The following RAP1GDS1 variants were observed in gnomAD, a reference collection of about 807,000 sequenced individuals.
RAP1GDS1 encodes the protein RAP1, GTP-GDP dissociation stimulator 1.
A neutral mutation model predicts 71.1 loss-of-function variants in RAP1GDS1; 35 were observed. The ratio of observed to expected loss-of-function variants is 0.49; its 90% CI spans 0.38 to 0.65. RAP1GDS1 has a LOEUF of 0.65. Among genes scored for constraint, RAP1GDS1 ranks in the 30% least tolerant of loss-of-function variants. The pLI is 0.00. For missense variants in RAP1GDS1, 663 were observed against 706.1 expected (o/e 0.94, Z 0.69); for synonymous variants, 229 against 243.1 (o/e 0.94, Z 0.54).
intron 2 of RAP1GDS1, among the ~76,000 whole-genome samples, chr4:98,294,991 C>G (rs1727524389): frequency 6.6e-6 from 1 of 151,862 alleles, no homozygotes; most frequent in Non-Finnish European, 1.5e-5. Context: ...AGACCATTTG[C>G]TTTAGATACT....
intron 12 of RAP1GDS1, among the ~76,000 whole-genome samples, chr4:98,429,711 G>A (rs1205096747): frequency 6.6e-6 from 1 of 152,130 alleles, no homozygotes; most frequent in Non-Finnish European, 1.5e-5. Flanking sequence ...TTTGTGTTGG[G>A]CCACGTTCAA....
intron 4 of RAP1GDS1, among the ~76,000 whole-genome samples, chr4:98,355,450 G>A (rs575379991): frequency 4.9e-4 from 75 of 152,176 alleles, no homozygotes; most frequent in Non-Finnish European, 8.2e-4. Flanking sequence ...ATGATAGTAG[G>A]CTTACAGTAG....
At chr4:98,345,502 C>G (rs1041913679) in intron 3 of RAP1GDS1, among the ~76,000 whole-genome samples, 1 of 151,986 alleles carries the variant, frequency 6.6e-6, no homozygotes, top group Non-Finnish European at 1.5e-5. Context: ...ATTTTTTAGA[C>G]CTTTTAAATG....
chr4:98,426,693 C>T (rs1749660765), intron 12 of RAP1GDS1, among the ~76,000 whole-genome samples: 2 of 151,948 alleles, frequency 1.3e-5, no homozygotes, highest in South Asian at 2.1e-4. Flanking sequence ...CCTGAACAGA[C>T]CAATAACAAG....
intron 12 of RAP1GDS1, among the ~76,000 whole-genome samples, chr4:98,431,150 C>T (rs1052095687): frequency 6.6e-6 from 1 of 152,196 alleles, no homozygotes; most frequent in African/African-American, 2.4e-5. Flanking sequence ...TTATCAGTTA[C>T]CAGGCTAAAA....
chr4:98,329,852 C>T (rs1008874466), intron 2 of RAP1GDS1, among the ~76,000 whole-genome samples: 4 of 143,760 alleles, frequency 2.8e-5, no homozygotes, highest in African/African-American at 1.0e-4. Context: ...ATTGTAAATA[C>T]TTGTTTTTTA....
chr4:98,419,522 A>G (rs1340229395), intron 10 of RAP1GDS1, among the ~76,000 whole-genome samples: 1 of 152,240 alleles, frequency 6.6e-6, no homozygotes, highest in African/African-American at 2.4e-5. Flanking sequence ...ACAACAAAAG[A>G]TAGTTAAAAC....
chr4:98,326,309 A>G (rs1043108448), intron 2 of RAP1GDS1, among the ~76,000 whole-genome samples: 2 of 152,160 alleles, frequency 1.3e-5, no homozygotes, highest in East Asian at 3.9e-4. Flanking sequence ...ATTCATTGTC[A>G]TTTCAGCATT....
At chr4:98,268,552 A>G (rs989089042) in intron 1 of RAP1GDS1, among the ~76,000 whole-genome samples, 5 of 152,114 alleles carry the variant, frequency 3.3e-5, no homozygotes, top group African/African-American at 1.2e-4. Flanking sequence ...TCTTATACAT[A>G]GAAAGCCTTA....
chr4:98,302,788 G>A (rs1225717524), intron 2 of RAP1GDS1, among the ~76,000 whole-genome samples: 1 of 152,218 alleles, frequency 6.6e-6, no homozygotes, highest in Non-Finnish European at 1.5e-5. Flanking sequence ...ACCCACACCT[G>A]TAATCCCAGC....
intron 6 of RAP1GDS1, among the ~76,000 whole-genome samples, chr4:98,399,456 A>G (rs1745040413): frequency 6.6e-6 from 1 of 151,880 alleles, no homozygotes; most frequent in African/African-American, 2.4e-5. Flanking sequence ...ATCATGCCCC[A>G]TTTGTTTTTG....
chr4:98,375,507 T>A (rs1254589374), intron 4 of RAP1GDS1, among the ~76,000 whole-genome samples: 2 of 152,178 alleles, frequency 1.3e-5, no homozygotes, highest in Non-Finnish European at 2.9e-5. Context: ...TCAGTAACAT[T>A]ATCTCCTATA....
rs1329515531 is a variant in RAP1GDS1 at position 98,441,369 on chromosome 4, G to A, written c.1697-621G>A. The stretch of plus-strand genomic sequence containing the variant: ...AAAGAAGAGGACAAAAAATCTAAAA[G>A]GGAGTCCAGTGTCACAGAAATTTGT... On this transcript the variant is annotated intron_variant, in intron 14 of 14. Transcript: ENST00000408927. 4 of 984,844 alleles carry A rather than the reference G, an allele frequency of 4.1e-6. No homozygotes were observed. In the South Asian group the frequency reaches 1.4e-4, roughly 35 times the overall value. The allele number at this position is 984,844 out of a possible 1,614,324, so 61.0% of individuals were successfully genotyped here. A position where few individuals can be genotyped will look rare whatever the true frequency, so the allele number is the denominator to read the frequency against.
rs149714449 is a variant in RAP1GDS1, at chr4:98,370,437, T to C, written c.362-8580T>C. Among the ~76,000 whole-genome samples, 37 of 152,254 alleles carry C rather than the reference T, an allele frequency of 2.4e-4. No individual in the cohort carries two copies. The East Asian group carries it at 5.0e-3, about 21-fold the overall frequency. On this transcript the variant is annotated intron_variant, in intron 4 of 14. Transcript: ENST00000408927. Reference sequence around the variant, plus strand: ...ATGTATTCATGTTTATTATGAACATTTTATTCCTTTTTATTCCTGTGCAGT... The same window carrying C: ...ATGTATTCATGTTTATTATGAACATCTTATTCCTTTTTATTCCTGTGCAGT...
intron 1 of RAP1GDS1, among the ~76,000 whole-genome samples, chr4:98,290,329 CTG>C (rs1281656680): frequency 6.6e-6 from 1 of 152,054 alleles, no homozygotes; most frequent in Non-Finnish European, 1.5e-5. Context: ...TAACATGACA[CTG>C]TCTTGAGATT....
At chr4:98,378,232 TAGAA>T (rs1171159960) in intron 4 of RAP1GDS1, among the ~76,000 whole-genome samples, 1 of 151,914 alleles carries the variant, frequency 6.6e-6, no homozygotes, top group Non-Finnish European at 1.5e-5. Context: ...GTTCAAAAGT[TAGAA>T]AGTAGTCTAA....
intron 4 of RAP1GDS1, among the ~76,000 whole-genome samples, chr4:98,360,394 T>C (rs76378899): frequency 0.069 from 10,097 of 146,406 alleles, 385 homozygotes; most frequent in Admixed American, 0.14. Context: ...TCTGAATGGC[T>C]TTAGAACTTT....
At chr4:98,275,522 C>T (rs1000104002) in intron 1 of RAP1GDS1, among the ~76,000 whole-genome samples, 2 of 152,078 alleles carry the variant, frequency 1.3e-5, no homozygotes, top group African/African-American at 2.4e-5. Context: ...ATATGTTTTT[C>T]CCTTAATTTT....
intron 1 of RAP1GDS1, among the ~76,000 whole-genome samples, chr4:98,278,511 A>G (rs1724562027): frequency 6.6e-6 from 1 of 152,214 alleles, no homozygotes; most frequent in South Asian, 2.1e-4. Context: ...TTAACTACTT[A>G]TGATCTATAT....
Sources: gnomAD v4.1 joint callset for allele counts (sites outside exome capture counted in the v4.1 genomes callset) on GRCh38, gnomAD v4.1.1 for gene constraint, MANE v1.5 for transcripts, NCBI Gene and HGNC (gene_info 2026-07-23, HGNC 2026-07-21) for gene names.